CCL18: variants seen among roughly 807,000 people sequenced by gnomAD.
The protein encoded by CCL18 is C-C motif chemokine ligand 18.
Under a neutral mutation model 8.0 loss-of-function variants are expected in CCL18, and 7 were observed. The ratio of observed to expected loss-of-function variants is 0.87; its 90% CI spans 0.50 to 1.64. The LOEUF is 1.64. Ranked by LOEUF, CCL18 falls within the 40% of genes most tolerant of loss-of-function variation. CCL18 has a pLI of 0.00. For missense variants in CCL18, 95 were observed against 107.8 expected (o/e 0.88, Z 0.52); for synonymous variants, 35 against 41.3 (o/e 0.85, Z 0.59).
At chr17:36,068,323 G>GT (rs201644590) in intron 1 of CCL18, among the ~76,000 whole-genome samples, 3 of 150,492 alleles carry the variant, frequency 2.0e-5, no homozygotes, top group Non-Finnish European at 3.0e-5. Context: ...ATACCAAACT[G>GT]TTTTTTAAAA....
intron 1 of CCL18, among the ~76,000 whole-genome samples, chr17:36,069,765 G>T (rs1568527588): frequency 6.6e-6 from 1 of 152,212 alleles, no homozygotes; most frequent in East Asian, 1.9e-4. Flanking sequence ...AGCATCCTGG[G>T]GACCCCTGCA....
At position 36,071,589 on chromosome 17, in the gene CCL18, G is replaced by A. The variant is rs538039849; in HGVS notation, c.*548G>A. 1 of 153,426 alleles carries A rather than the reference G, an allele frequency of 6.5e-6. No homozygotes were observed. Among genetic ancestry groups the A allele is most frequent in the African/African-American group, 2.4e-5 (1 of 41,564 alleles). 9.5% of individuals were successfully genotyped at this position (153,426 alleles called of 1,614,324 possible). A position where few individuals can be genotyped will look rare whatever the true frequency, so the allele number is the denominator to read the frequency against. ...GCAGAAACAGCAAGATAGGGACCAA[G>A]TACTTCTACAGTCATACCAGACATT... On this transcript the variant is annotated 3_prime_UTR_variant, in exon 3 of 3. Transcript: ENST00000616054.
intron 1 of CCL18, among the ~76,000 whole-genome samples, chr17:36,067,894 A>T (rs1485137784): frequency 6.6e-6 from 1 of 152,138 alleles, no homozygotes; most frequent in Non-Finnish European, 1.5e-5. Flanking sequence ...GTCCCATAAG[A>T]TTATAATTCT....
intron 1 of CCL18, among the ~76,000 whole-genome samples, chr17:36,069,061 C>T (rs1485368456): frequency 1.3e-5 from 2 of 152,066 alleles, no homozygotes; most frequent in African/African-American, 4.8e-5. Flanking sequence ...CACTATGTTG[C>T]TCAGGTTGGT....
At chr17:36,067,252 A>G (rs188974814) in intron 1 of CCL18, among the ~76,000 whole-genome samples, 6 of 152,290 alleles carry the variant, frequency 3.9e-5, no homozygotes, top group Admixed American at 3.9e-4. Flanking sequence ...TGCATGACAT[A>G]TGGGGTGTCT....
chr17:36,067,723 T>C (rs1462810104), intron 1 of CCL18, among the ~76,000 whole-genome samples: 1 of 152,110 alleles, frequency 6.6e-6, no homozygotes, highest in East Asian at 1.9e-4. Context: ...CCACATATGT[T>C]ACAGTAGTGC....
rs564896706 is a variant in CCL18 at position 36,065,608 on chromosome 17, C to A, written c.67+1199C>A. Among the ~76,000 whole-genome samples, 6 of 152,224 alleles carry A rather than the reference C, an allele frequency of 3.9e-5. No homozygotes were observed. In the East Asian group the frequency reaches 1.2e-3, roughly 29 times the overall value. The stretch of plus-strand genomic sequence containing the variant: ...GGAGAAACATAAGAGAGGCAGGAGA[C>A]AATGGGGTGCCTTAACCGTGAGGGA... On this transcript the variant is annotated intron_variant, in intron 1 of 2. Coordinates refer to ENST00000616054, the MANE Select transcript of CCL18 (RefSeq NM_002988.4).
intron 1 of CCL18, among the ~76,000 whole-genome samples, chr17:36,067,646 C>T (rs917700572): frequency 1.3e-5 from 2 of 151,986 alleles, no homozygotes; most frequent in African/African-American, 4.8e-5. Context: ...GGGATCACAC[C>T]ACTGTACTCC....
intron 1 of CCL18, among the ~76,000 whole-genome samples, chr17:36,067,564 G>T (rs765492453): frequency 2.0e-5 from 3 of 152,158 alleles, no homozygotes; most frequent in Non-Finnish European, 4.4e-5. Flanking sequence ...GTGCACGCCT[G>T]TAGTTCCAGC....
intron 2 of CCL18, 132 bp from the exon 3 acceptor site, chr17:36,070,819 C>A (rs1446397206): frequency 2.6e-6 from 2 of 760,884 alleles, no homozygotes; most frequent in African/African-American, 1.7e-5. Flanking sequence ...GGCCTGTGAA[C>A]CCCGAAGTTA....
chr17:36,070,855 C>A, intron 2 of CCL18, 96 bp from the exon 3 acceptor site: 1 of 935,264 alleles, frequency 1.1e-6, no homozygotes, highest in Non-Finnish European at 1.8e-6. Flanking sequence ...GGCACGAGGA[C>A]AGGCCCTGAG....
rs2066867477 is a variant in CCL18 at position 36,071,634 on chromosome 17, G to A, written c.*593G>A. ...GACATTTCCCTGGAGATACTTTCCTGAAAAGTTGAAACAGACACCATTAGT... is the reference window on the plus strand; with the variant it reads ...GACATTTCCCTGGAGATACTTTCCTAAAAAGTTGAAACAGACACCATTAGT... On this transcript the variant is annotated 3_prime_UTR_variant, in exon 3 of 3. Coordinates refer to ENST00000616054, the MANE Select transcript of CCL18 (RefSeq NM_002988.4). 6.6e-6 allele frequency: 1 copy of A among 152,246 alleles called. No individual in the cohort carries two copies. The highest frequency in any genetic ancestry group is 2.1e-4 in the South Asian group (1 of 4,832). 9.4% of individuals were successfully genotyped at this position (152,246 alleles called of 1,614,324 possible).
At chr17:36,068,054 G>A (rs2066846569) in intron 1 of CCL18, among the ~76,000 whole-genome samples, 1 of 152,172 alleles carries the variant, frequency 6.6e-6, no homozygotes, top group South Asian at 2.1e-4. Context: ...CAGTGAAGGT[G>A]TACGGTAGAC....
chr17:36,067,870 A>G (rs1428762983), intron 1 of CCL18, among the ~76,000 whole-genome samples: 1 of 152,222 alleles, frequency 6.6e-6, no homozygotes, highest in Non-Finnish European at 1.5e-5. Flanking sequence ...AACTGCATAT[A>G]TTATACAGTG....
intron 1 of CCL18, among the ~76,000 whole-genome samples, chr17:36,068,384 A>AT (rs377053680): frequency 7.3e-5 from 11 of 151,376 alleles, no homozygotes; most frequent in African/African-American, 1.5e-4. Context: ...CTTCAATGAA[A>AT]TTTTTTTTTC....
At chr17:36,069,550 C>G (rs1216822988) in intron 1 of CCL18, among the ~76,000 whole-genome samples, 2 of 152,142 alleles carry the variant, frequency 1.3e-5, no homozygotes, top group African/African-American at 4.8e-5. Flanking sequence ...ACCTATGTAA[C>G]AAGTCTGCAC....
intron 1 of CCL18, among the ~76,000 whole-genome samples, chr17:36,065,911 A>C (rs956942664): frequency 3.3e-5 from 5 of 152,164 alleles, no homozygotes; most frequent in Admixed American, 6.5e-5. Flanking sequence ...CAGTCTACAG[A>C]GACTTTTCCC....
chr17:36,068,560 G>A (rs1437777396), intron 1 of CCL18, among the ~76,000 whole-genome samples: 3 of 152,118 alleles, frequency 2.0e-5, no homozygotes, highest in East Asian at 3.9e-4. Context: ...CTGCTTTTTG[G>A]TGTAATCTAT....
At position 36,071,815 on chromosome 17, in the gene CCL18, G is replaced by T. The variant is rs886137670; in HGVS notation, c.*774G>T. ...CTAACATCTGTTGAGGTCTTACCAA[G>T]TGCTGGGTTTTGGGCTAAGTACTTA... On this transcript the variant is annotated 3_prime_UTR_variant, in exon 3 of 3. Coordinates refer to ENST00000616054, the MANE Select transcript of CCL18 (RefSeq NM_002988.4). 2.0e-5 allele frequency: 3 copies of T among 152,200 alleles called. No homozygotes were observed. Among genetic ancestry groups the T allele is most frequent in the Admixed American group, 1.3e-4 (2 of 15,278 alleles). 9.4% of individuals were successfully genotyped at this position (152,200 alleles called of 1,614,324 possible). A position where few individuals can be genotyped will look rare whatever the true frequency, so the allele number is the denominator to read the frequency against.
Sources: gnomAD v4.1 joint callset for allele counts (sites outside exome capture counted in the v4.1 genomes callset) on GRCh38, gnomAD v4.1.1 for gene constraint, MANE v1.5 for transcripts, NCBI Gene and HGNC (gene_info 2026-07-23, HGNC 2026-07-21) for gene names.